Variants in PPARD observed in about 807,000 individuals in gnomAD.
The protein encoded by PPARD is peroxisome proliferator-activated receptor delta.
A neutral mutation model predicts 39.5 loss-of-function variants in PPARD; 6 were observed. The observed-to-expected ratio is 0.15, with a 90% CI of 0.08 to 0.30. PPARD has a LOEUF of 0.30. Among genes scored for constraint, PPARD ranks in the 10% least tolerant of loss-of-function variants. The pLI is 1.00. For synonymous variants in PPARD, 210 were observed against 231.3 expected (o/e 0.91, Z 0.83); for missense variants, 397 against 596.8 (o/e 0.67, Z 3.49).
At chr6:35,360,178 C>T (rs1761853301) in intron 2 of PPARD, among the ~76,000 whole-genome samples, 1 of 152,178 alleles carries the variant, frequency 6.6e-6, no homozygotes, top group Non-Finnish European at 1.5e-5. Context: ...AGACAGTGAG[C>T]AGCCCCTAGA....
intron 2 of PPARD, among the ~76,000 whole-genome samples, chr6:35,385,557 T>C (rs1382130937): frequency 6.9e-6 from 1 of 144,084 alleles, no homozygotes; most frequent in African/African-American, 2.5e-5. Context: ...GTTTATCTGC[T>C]GACCTTCCCT....
In PPARD at chr6:35,424,574, C is replaced by T. The variant is rs746429306; in HGVS notation, c.873C>T (p.Phe291=). Residue 291 remains phenylalanine, a synonymous_variant, in exon 7 of 8, where the codon TTC becomes TTT. Coordinates refer to ENST00000360694, the MANE Select transcript of PPARD (RefSeq NM_006238.5). This position sits in a 1 kb window ranked among gnomAD's most constrained non-coding sequence, Gnocchi z 7.1. ...LLKYGVHEAI[F]AMLASIVNKD... ...AGTATGGCGTGCACGAGGCCATCTT[C>T]GCCATGCTGGCCTCTATCGTCAACA... 14 of 1,614,126 alleles carry T rather than the reference C, an allele frequency of 8.7e-6. No individual in the cohort carries two copies. Among genetic ancestry groups the T allele is most frequent in the South Asian group, 6.6e-5 (6 of 91,088 alleles).
chr6:35,424,280 A>T lies in PPARD; in HGVS notation c.628-49A>T, dbSNP rs1562227665. ...TGCAGGCAAGGGACATGGGGAGCAC[A>T]GGGTGGGGGTCTCCCGAGGCCTGAT... On this transcript the variant is annotated intron_variant, in intron 6 of 7. Transcript: ENST00000360694. The surrounding 1 kb of genome is among the most constrained non-coding windows in gnomAD (Gnocchi z 7.1). The T allele has an allele frequency of 1.3e-6, 2 of 1,598,878 alleles. No individual in the cohort carries two copies. Among genetic ancestry groups the T allele is most frequent in the South Asian group, 2.2e-5 (2 of 89,178 alleles).
rs1310893551 is a variant in PPARD, at chr6:35,401,726, G to T, written c.-101-9261G>T. On this transcript the variant is annotated intron_variant, in intron 2 of 7. Coordinates refer to ENST00000360694, the MANE Select transcript of PPARD (RefSeq NM_006238.5). The surrounding 1 kb of genome is among the most constrained non-coding windows in gnomAD (Gnocchi z 4.1). Reference sequence around the variant, plus strand: ...TGCTCTGAGTGCCACACCTTGCTTGGCATTTGTCCTTCATAGCCCTGGTCA... The same window carrying T: ...TGCTCTGAGTGCCACACCTTGCTTGTCATTTGTCCTTCATAGCCCTGGTCA... Among the ~76,000 whole-genome samples, 1 of 152,190 alleles carries T rather than the reference G, an allele frequency of 6.6e-6. No individual in the cohort carries two copies. The highest frequency in any genetic ancestry group is 1.5e-5 in the Non-Finnish European group (1 of 68,040).
chr6:35,347,040 G>T, intron 1 of PPARD, 27 bp from the exon 2 acceptor site: 2 of 1,447,444 alleles, frequency 1.4e-6, no homozygotes, highest in Non-Finnish European at 1.9e-6. Flanking sequence ...GTCAGCTAAA[G>T]CTGTTGGGGT....
intron 3 of PPARD, among the ~76,000 whole-genome samples, chr6:35,417,290 C>G (rs1437270711): frequency 3.9e-5 from 6 of 151,960 alleles, no homozygotes; most frequent in African/African-American, 1.5e-4. Context: ...AGGTGTGAGC[C>G]ACTGCACCTG....
Position 35,347,148 on chromosome 6 carries a change from G to A in PPARD, c.-104G>A, listed in dbSNP as rs1037026370. On this transcript the variant is annotated splice_region_variant and 5_prime_UTR_variant, in exon 2 of 8. Transcript: ENST00000360694. The stretch of plus-strand genomic sequence containing the variant: ...AACAGATGAAGACAGATGCACCAAC[G>A]AGGTAATCCCATTTTCTTTACTCAG... 5.9e-6 allele frequency: 9 copies of A among 1,536,068 alleles called. No homozygotes were observed. Among genetic ancestry groups the A allele is most frequent in the South Asian group, 1.2e-5 (1 of 84,058 alleles).
intron 2 of PPARD, among the ~76,000 whole-genome samples, chr6:35,397,094 G>A (rs1451118954): frequency 3.3e-5 from 5 of 152,080 alleles, no homozygotes; most frequent in Non-Finnish European, 7.4e-5. Context: ...CCTGTCCTGT[G>A]AGTAGGTGCA....
chr6:35,410,213 G>A (rs1294846637), intron 2 of PPARD, among the ~76,000 whole-genome samples: 2 of 152,164 alleles, frequency 1.3e-5, no homozygotes, highest in African/African-American at 4.8e-5. Context: ...CCTTCCACAA[G>A]GTCTGGTGCA....
intron 3 of PPARD, among the ~76,000 whole-genome samples, chr6:35,416,386 A>C (rs1464403521): frequency 2.0e-4 from 30 of 146,378 alleles, no homozygotes; most frequent in African/African-American, 6.5e-4. Flanking sequence ...AAAAAAAAAA[A>C]AAAAAAAAAA....
At chr6:35,392,224 C>T (rs1353700595) in intron 2 of PPARD, among the ~76,000 whole-genome samples, 5 of 151,376 alleles carry the variant, frequency 3.3e-5, no homozygotes, top group South Asian at 4.2e-4. Flanking sequence ...TCCTCTGTAA[C>T]GCAGCACGGA....
intron 4 of PPARD, among the ~76,000 whole-genome samples, chr6:35,420,696 C>T (rs992231888): frequency 7.9e-5 from 12 of 152,080 alleles, no homozygotes; most frequent in African/African-American, 2.9e-4. Flanking sequence ...AACTTCACAC[C>T]CATCAAAATC....
intron 2 of PPARD, among the ~76,000 whole-genome samples, chr6:35,350,937 T>G (rs959238497): frequency 6.8e-6 from 1 of 148,044 alleles, no homozygotes; most frequent in Non-Finnish European, 1.5e-5. Context: ...GAAAGATGGC[T>G]TATTTTGAAG....
At position 35,342,676 on chromosome 6, in the gene PPARD, G is replaced by A. The variant is rs1392590540; in HGVS notation, c.-191G>A. The A allele has an allele frequency of 6.5e-6, 1 of 152,946 alleles. No homozygotes were observed. The highest frequency in any genetic ancestry group is 1.5e-5 in the Non-Finnish European group (1 of 68,650). 9.5% of individuals were successfully genotyped at this position (152,946 alleles called of 1,614,324 possible). A position where few individuals can be genotyped will look rare whatever the true frequency, so the allele number is the denominator to read the frequency against. ...GCGGCGGTGGCGCCGTAGGCAGCCG[G>A]GACAGGTCAGTCCGAGACGAGAGAA... On this transcript the variant is annotated 5_prime_UTR_variant, in exon 1 of 8. Transcript: ENST00000360694.
intron 2 of PPARD, among the ~76,000 whole-genome samples, chr6:35,374,531 A>G (rs1338814986): frequency 6.6e-6 from 1 of 151,504 alleles, no homozygotes. Context: ...GGTGGCAGGC[A>G]CCTGTAGTCC....
At chr6:35,390,480 T>C (rs1176772669) in intron 2 of PPARD, among the ~76,000 whole-genome samples, 1 of 152,178 alleles carries the variant, frequency 6.6e-6, no homozygotes, top group Non-Finnish European at 1.5e-5. Context: ...GCCATCAAGA[T>C]GCTGGTACTT....
At position 35,424,112 on chromosome 6, in the gene PPARD, C is replaced by T. The variant is rs1482235414; in HGVS notation, c.591C>T (p.Ala197=). The change falls in exon 6 of 8, where the codon GCC becomes GCT. Residue 197 remains alanine, a synonymous_variant. Transcript: ENST00000360694. The surrounding 1 kb of genome is among the most constrained non-coding windows in gnomAD (Gnocchi z 7.1). ...LKNFNMTKKK[A]RSILTGKASH... ...ACTTCAACATGACCAAAAAGAAGGC[C>T]CGCAGCATCCTCACCGGCAAAGCCA... 6.2e-7 allele frequency: 1 copy of T among 1,613,582 alleles called. No homozygotes were observed. Among genetic ancestry groups the T allele is most frequent in the Non-Finnish European group, 8.5e-7 (1 of 1,180,022 alleles).
At chr6:35,409,242 T>A (rs1023907370) in intron 2 of PPARD, among the ~76,000 whole-genome samples, 8 of 152,156 alleles carry the variant, frequency 5.3e-5, no homozygotes, top group African/African-American at 1.7e-4. Flanking sequence ...CAGTGGCTCA[T>A]GCCTGTAATT....
At chr6:35,417,289 C>G (rs570920637) in intron 3 of PPARD, among the ~76,000 whole-genome samples, 4 of 152,098 alleles carry the variant, frequency 2.6e-5, no homozygotes, top group East Asian at 3.9e-4. Context: ...CAGGTGTGAG[C>G]CACTGCACCT....
Sources: allele counts gnomAD v4.1 joint callset (sites outside exome capture counted in the v4.1 genomes callset), GRCh38; gene constraint gnomAD v4.1.1; non-coding constraint Gnocchi (gnomAD v3.1); transcripts MANE v1.5; gene names NCBI Gene and HGNC (gene_info 2026-07-23, HGNC 2026-07-21).